Variants in SARS1 observed in about 807,000 individuals in gnomAD.
SARS1 encodes the protein serine--tRNA ligase, cytoplasmic.
In SARS1, 25 loss-of-function variants were observed where a neutral mutation model predicts 63.7. The ratio of observed to expected loss-of-function variants is 0.39; its 90% CI spans 0.29 to 0.55. SARS1 has a LOEUF of 0.55. SARS1 is among the 20% of genes least tolerant of loss of function. The pLI is 0.62. For missense variants in SARS1, 417 were observed against 649.7 expected, an observed-to-expected ratio of 0.64 and a Z score of 3.89; for synonymous variants, 231 against 243.5, an observed-to-expected ratio of 0.95 and a Z score of 0.48.
chr1:109,226,701 C>CATATATATATATATAT lies in SARS1; in HGVS notation c.208-1650_208-1649insTATATATATATATATA, dbSNP rs61204287. 3.1e-3 allele frequency among the ~76,000 whole-genome samples: 218 copies of CATATATATATATATAT among 69,756 alleles called. 1 individual carries two copies. The highest frequency in any genetic ancestry group is 7.2e-3 in the East Asian group (14 of 1,956). The allele number at this position is 69,756 out of a possible 152,430, so 45.8% of individuals were successfully genotyped here. A position where few individuals can be genotyped will look rare whatever the true frequency, so the allele number is the denominator to read the frequency against. ...AAATATATATATATATATATATACA[C>CATATATATATATATAT]ACACACACACACACACACACACACA... On this transcript the variant is annotated intron_variant, in intron 2 of 10. Coordinates refer to ENST00000234677, the MANE Select transcript of SARS1 (RefSeq NM_006513.4).
chr1:109,231,092 T>G (rs997066711), intron 5 of SARS1, 71 bp downstream of exon 5: 71 of 989,482 alleles, frequency 7.2e-5, no homozygotes, highest in Non-Finnish European at 8.6e-5. Flanking sequence ...TATTTTTTTT[T>G]TTTTTTGTAG....
intron 8 of SARS1, 61 bp from the exon 9 acceptor site, chr1:109,236,330 A>G (rs1191125015): frequency 6.6e-7 from 1 of 1,512,664 alleles, no homozygotes; most frequent in Non-Finnish European, 9.0e-7. Context: ...CAGGCTTGCT[A>G]AAGGTTAGCC....
intron 2 of SARS1, among the ~76,000 whole-genome samples, chr1:109,226,817 T>C (rs1655100168): frequency 6.7e-6 from 1 of 149,662 alleles, no homozygotes; most frequent in Admixed American, 6.7e-5. Context: ...ACTCCTGGGC[T>C]AAAGTGATCT....
chr1:109,227,971 C>T (rs1655127321), intron 2 of SARS1, among the ~76,000 whole-genome samples: 2 of 151,192 alleles, frequency 1.3e-5, no homozygotes, highest in Non-Finnish European at 2.9e-5. Flanking sequence ...CCAGGGCTTG[C>T]TCCTGAGCAC....
At chr1:109,220,957 A>G (rs1455758305) in intron 1 of SARS1, among the ~76,000 whole-genome samples, 3 of 152,038 alleles carry the variant, frequency 2.0e-5, no homozygotes, top group East Asian at 1.9e-4. Flanking sequence ...TGGAGAGTCA[A>G]TTGCTCATGG....
Position 109,237,524 on chromosome 1 carries a change from C to T in SARS1, c.1387+151C>T. ...CTCTCGGGCTGGGCAGGGCAGGGGG[C>T]CTGGTTGAGAAAGTAGCCAGTGCAG... On this transcript the variant is annotated intron_variant, in intron 10 of 10. Transcript: ENST00000234677. This position sits in a 1 kb window ranked among gnomAD's most constrained non-coding sequence, Gnocchi z 4.1. 1 of 1,289,172 alleles carries T rather than the reference C, an allele frequency of 7.8e-7. No homozygotes were observed. Among genetic ancestry groups the T allele is most frequent in the South Asian group, 1.3e-5 (1 of 75,324 alleles). The allele number at this position is 1,289,172 out of a possible 1,614,324, so 79.9% of individuals were successfully genotyped here.
chr1:109,213,986 A>C lies in SARS1; in HGVS notation c.-7A>C. Reference sequence around the variant, plus strand: ...CTTCCCTGAGCGTTGGCCCGGGAGGAAAGAAGATGGTGCTGGATCTGGATT... The same window carrying C: ...CTTCCCTGAGCGTTGGCCCGGGAGGCAAGAAGATGGTGCTGGATCTGGATT... On this transcript the variant is annotated 5_prime_UTR_variant, in exon 1 of 11. Coordinates refer to ENST00000234677, the MANE Select transcript of SARS1 (RefSeq NM_006513.4). 1 of 1,607,216 alleles carries C rather than the reference A, an allele frequency of 6.2e-7. No homozygotes were observed. Among genetic ancestry groups the C allele is most frequent in the South Asian group, 1.1e-5 (1 of 90,540 alleles).
chr1:109,220,416 A>G (rs1654903495), intron 1 of SARS1, among the ~76,000 whole-genome samples: 1 of 152,232 alleles, frequency 6.6e-6, no homozygotes, highest in Non-Finnish European at 1.5e-5. Flanking sequence ...CCATTCTGGT[A>G]GATATATAGT....
At position 109,237,523 on chromosome 1, in the gene SARS1, G is replaced by T. The variant is rs1655339819; in HGVS notation, c.1387+150G>T. ...CCTCTCGGGCTGGGCAGGGCAGGGG[G>T]CCTGGTTGAGAAAGTAGCCAGTGCA... On this transcript the variant is annotated intron_variant, in intron 10 of 10. Transcript: ENST00000234677. This position sits in a 1 kb window ranked among gnomAD's most constrained non-coding sequence, Gnocchi z 4.1. 3.1e-6 allele frequency: 4 copies of T among 1,290,910 alleles called. No individual in the cohort carries two copies. Among genetic ancestry groups the T allele is most frequent in the Non-Finnish European group, 3.2e-6 (3 of 926,726 alleles). The allele number at this position is 1,290,910 out of a possible 1,614,324, so 80.0% of individuals were successfully genotyped here.
At chr1:109,224,708 CTA>C (rs1004405827) in intron 2 of SARS1, among the ~76,000 whole-genome samples, 3 of 152,102 alleles carry the variant, frequency 2.0e-5, no homozygotes, top group African/African-American at 7.2e-5. Flanking sequence ...CTGAAAAATA[CTA>C]TGTTTCAGCT....
chr1:109,236,116 CCAGCCTCTTCT>C lies in SARS1; in HGVS notation c.1099+18_1099+28del, dbSNP rs1315474356. On this transcript the variant is annotated intron_variant, in intron 8 of 10. Transcript: ENST00000234677. The stretch of plus-strand genomic sequence containing the variant: ...GTGAATATTGTCTCAGGTATGGGAC[CCAGCCTCTTCT>C]CAGCCTCCCTTTCCTGTAATCCCAG... 6.2e-7 allele frequency: 1 copy of C among 1,607,438 alleles called. No homozygotes were observed. Among genetic ancestry groups the C allele is most frequent in the East Asian group, 2.2e-5 (1 of 44,884 alleles).
In SARS1 at chr1:109,237,214, G is replaced by T; in HGVS notation, c.1258-30G>T. On this transcript the variant is annotated intron_variant, in intron 9 of 10. Coordinates refer to ENST00000234677, the MANE Select transcript of SARS1 (RefSeq NM_006513.4). The surrounding 1 kb of genome is among the most constrained non-coding windows in gnomAD (Gnocchi z 4.1). ...GTAAGACCCGATGAGAGTTGAGCCC[G>T]ACTTCCCCTCTGGGACCCTGTCTTC... 6.3e-7 allele frequency: 1 copy of T among 1,599,434 alleles called. No homozygotes were observed. Among genetic ancestry groups the T allele is most frequent in the South Asian group, 1.1e-5 (1 of 89,050 alleles).
In SARS1 at chr1:109,229,578, T is replaced by C; in HGVS notation, c.447+6T>C. On this transcript the variant is annotated splice_donor_region_variant and intron_variant, in intron 4 of 10. Coordinates refer to ENST00000234677, the MANE Select transcript of SARS1 (RefSeq NM_006513.4). ...TACCCATCAGTAACGATGAGGTAGG[T>C]GGCTGTGCCGCAGCAGGAGGCTGCC... 6.2e-7 allele frequency: 1 copy of C among 1,607,176 alleles called. No homozygotes were observed.
chr1:109,236,404 T>C lies in SARS1; in HGVS notation c.1113T>C (p.His371=). 1.3e-6 allele frequency: 2 copies of C among 1,594,080 alleles called. No homozygotes were observed. The highest frequency in any genetic ancestry group is 1.7e-6 in the Non-Finnish European group (2 of 1,163,464). Residue 371 remains histidine (H), a synonymous_variant, in exon 9 of 11, where the codon CAT becomes CAC. Transcript: ENST00000234677. ...IVNIVSGSLN[H]AASKKLDLEA... ...TTTTCCTTACAGGTTCTTTGAATCA[T>C]GCTGCCAGTAAGAAGCTTGACCTGG...
At chr1:109,233,138 C>T (rs1048638369) in intron 6 of SARS1, among the ~76,000 whole-genome samples, 1 of 150,122 alleles carries the variant, frequency 6.7e-6, no homozygotes, top group Non-Finnish European at 1.5e-5. Flanking sequence ...CTGATGCAAC[C>T]GAGGAACTAA....
chr1:109,236,980 T>C, intron 9 of SARS1: 1 of 1,387,218 alleles, frequency 7.2e-7, no homozygotes, highest in Non-Finnish European at 9.4e-7. Context: ...AGTTTCTTCC[T>C]TCCCTCAAAG....
At chr1:109,222,498 T>C (rs1473395027) in intron 1 of SARS1, among the ~76,000 whole-genome samples, 2 of 152,186 alleles carry the variant, frequency 1.3e-5, no homozygotes, top group African/African-American at 4.8e-5. Flanking sequence ...CTCTTTGTAG[T>C]CTACTCCCTT....
chr1:109,216,477 T>C (rs1384108917), intron 1 of SARS1: 4 of 985,280 alleles, frequency 4.1e-6, no homozygotes, highest in Non-Finnish European at 4.8e-6. Context: ...GATCCTACAC[T>C]TGGGCATATT....
intron 1 of SARS1, chr1:109,217,253 C>G: frequency 1.9e-6 from 1 of 528,354 alleles, no homozygotes. Context: ...AATACACATA[C>G]CCTACTGAAT....
Sources: allele counts gnomAD v4.1 joint callset (sites outside exome capture counted in the v4.1 genomes callset), GRCh38; gene constraint gnomAD v4.1.1; non-coding constraint Gnocchi (gnomAD v3.1); transcripts MANE v1.5; gene names NCBI Gene and HGNC (gene_info 2026-07-23, HGNC 2026-07-21).